TAFA1: variants seen among roughly 807,000 people sequenced by gnomAD.
TAFA1 encodes TAFA chemokine like family member 1.
A neutral mutation model predicts 18.5 loss-of-function variants in TAFA1; 4 were observed. The observed-to-expected ratio is 0.22, with a 90% CI of 0.11 to 0.49. The LOEUF is 0.49. Among genes scored for constraint, TAFA1 ranks in the 20% least tolerant of loss-of-function variants. TAFA1 has a pLI of 0.98. For synonymous variants in TAFA1, 56 were observed against 55.2 expected (o/e 1.01, Z -0.06); for missense variants, 147 against 169.0 (o/e 0.87, Z 0.72).
At chr3:68,513,606 A>G (rs1205408262) in intron 3 of TAFA1, among the ~76,000 whole-genome samples, 1 of 152,134 alleles carries the variant, frequency 6.6e-6, no homozygotes, top group Non-Finnish European at 1.5e-5. Flanking sequence ...GATGCATTCA[A>G]ATAAGTCCCT....
chr3:68,338,657 C>T (rs1485014434), intron 2 of TAFA1, among the ~76,000 whole-genome samples: 1 of 152,146 alleles, frequency 6.6e-6, no homozygotes, highest in African/African-American at 2.4e-5. Context: ...GGATTCAAAA[C>T]TTTGCTTTCT....
chr3:68,433,860 C>A (rs542319300), intron 3 of TAFA1, among the ~76,000 whole-genome samples: 1 of 152,122 alleles, frequency 6.6e-6, no homozygotes, highest in Non-Finnish European at 1.5e-5. Context: ...ATGTGAGATA[C>A]AGATTTGGTG....
At chr3:68,033,515 G>A (rs920570784) in intron 2 of TAFA1, among the ~76,000 whole-genome samples, 3 of 152,134 alleles carry the variant, frequency 2.0e-5, no homozygotes, top group African/African-American at 7.2e-5. Context: ...GACATTTATC[G>A]TTTAAACAAG....
chr3:68,021,913 A>G (rs762510862), intron 2 of TAFA1, among the ~76,000 whole-genome samples: 1 of 152,194 alleles, frequency 6.6e-6, no homozygotes, highest in Non-Finnish European at 1.5e-5. Context: ...CAAAAACCAT[A>G]TAGAAGCCTT....
chr3:68,270,530 A>G (rs2067645162), intron 2 of TAFA1, among the ~76,000 whole-genome samples: 1 of 152,188 alleles, frequency 6.6e-6, no homozygotes, highest in Admixed American at 6.5e-5. Context: ...CTGTCAGGGA[A>G]ATCATTTGGG....
chr3:68,014,364 G>A (rs929527648), intron 2 of TAFA1, among the ~76,000 whole-genome samples: 24 of 152,204 alleles, frequency 1.6e-4, no homozygotes, highest in African/African-American at 5.5e-4. Context: ...AGCTTTAGCC[G>A]AGTGAGAACT....
intron 3 of TAFA1, among the ~76,000 whole-genome samples, chr3:68,476,028 T>C (rs1292908418): frequency 6.6e-6 from 1 of 152,212 alleles, no homozygotes; most frequent in Non-Finnish European, 1.5e-5. Context: ...TCTTGTAAAT[T>C]TGTTTGAGTT....
chr3:68,176,973 T>A (rs1306177195), intron 2 of TAFA1, among the ~76,000 whole-genome samples: 1 of 152,166 alleles, frequency 6.6e-6, no homozygotes, highest in African/African-American at 2.4e-5. Flanking sequence ...TGGTGGCATT[T>A]GAATTAAGAT....
intron 2 of TAFA1, among the ~76,000 whole-genome samples, chr3:68,018,529 A>T (rs1461956807): frequency 6.6e-6 from 1 of 152,176 alleles, no homozygotes; most frequent in Admixed American, 6.5e-5. Flanking sequence ...GACTACAGTT[A>T]CCCAGTAGTA....
At chr3:68,121,804 C>G (rs901960375) in intron 2 of TAFA1, among the ~76,000 whole-genome samples, 1 of 152,044 alleles carries the variant, frequency 6.6e-6, no homozygotes, top group Non-Finnish European at 1.5e-5. Flanking sequence ...GGTGTCCATC[C>G]CTTCCAAAGT....
Position 68,521,856 on chromosome 3 carries a change from G to GTTTTTTGT in TAFA1, c.260-16894_260-16893insGTTTTTTT, listed in dbSNP as rs2073029795. 1.3e-4 allele frequency among the ~76,000 whole-genome samples: 9 copies of GTTTTTTGT among 70,858 alleles called. No individual in the cohort carries two copies. In the East Asian group the frequency reaches 4.9e-3, roughly 38 times the overall value. The allele number at this position is 70,858 out of a possible 152,430, so 46.5% of individuals were successfully genotyped here. ...TCTGGGTTTTTCTGTGTTTTTTTCT[G>GTTTTTTGT]TTTTTTTTTTTTTTTTTTTTGGAGA... is the stretch of plus-strand genomic sequence containing the variant. On this transcript the variant is annotated intron_variant, in intron 3 of 4. Coordinates refer to ENST00000478136, the MANE Select transcript of TAFA1 (RefSeq NM_213609.4).
At chr3:68,403,957 T>A (rs1406700053) in intron 2 of TAFA1, among the ~76,000 whole-genome samples, 1 of 152,184 alleles carries the variant, frequency 6.6e-6, no homozygotes, top group Non-Finnish European at 1.5e-5. Context: ...GAGAAGACAG[T>A]CATTGGCATC....
intron 2 of TAFA1, among the ~76,000 whole-genome samples, chr3:68,176,914 G>A (rs2066133750): frequency 6.6e-6 from 1 of 151,966 alleles, no homozygotes; most frequent in African/African-American, 2.4e-5. Context: ...GAATGTGGGG[G>A]GAAATTGATT....
In TAFA1 at chr3:68,169,098, T is replaced by C. The variant is rs931906400; in HGVS notation, c.118+162354T>C. On this transcript the variant is annotated intron_variant, in intron 2 of 4. Transcript: ENST00000478136. ...CTCCAGGATGTTCCCAAACGATTTATGTCTCCATATATCTGTGCCCTTCCC... is the reference window on the plus strand; with the variant it reads ...CTCCAGGATGTTCCCAAACGATTTACGTCTCCATATATCTGTGCCCTTCCC... Among the ~76,000 whole-genome samples, 3 of 152,374 alleles carry C rather than the reference T, an allele frequency of 2.0e-5. No homozygotes were observed. In the South Asian group the frequency reaches 6.2e-4, roughly 32 times the overall value.
intron 2 of TAFA1, among the ~76,000 whole-genome samples, chr3:68,337,469 A>C (rs1025585063): frequency 2.0e-5 from 3 of 152,176 alleles, no homozygotes; most frequent in African/African-American, 7.2e-5. Flanking sequence ...TTGGGCAAGG[A>C]CACAAATCCA....
intron 2 of TAFA1, among the ~76,000 whole-genome samples, chr3:68,007,258 T>C (rs1452722674): frequency 6.6e-6 from 1 of 152,240 alleles, no homozygotes; most frequent in Non-Finnish European, 1.5e-5. Flanking sequence ...TCTTCCGGTA[T>C]GCTCAGTGGC....
chr3:68,037,959 CAAAG>C (rs1299750304), intron 2 of TAFA1, among the ~76,000 whole-genome samples: 2 of 152,116 alleles, frequency 1.3e-5, no homozygotes, highest in Admixed American at 6.5e-5. Flanking sequence ...AAAAGAAAGA[CAAAG>C]AAAGCCACAA....
At chr3:68,214,319 C>G (rs951485058) in intron 2 of TAFA1, among the ~76,000 whole-genome samples, 1 of 152,112 alleles carries the variant, frequency 6.6e-6, no homozygotes, top group African/African-American at 2.4e-5. Flanking sequence ...AGGAATTGAT[C>G]TCTGAGTATA....
chr3:68,174,739 T>A (rs1314708673), intron 2 of TAFA1, among the ~76,000 whole-genome samples: 1 of 152,220 alleles, frequency 6.6e-6, no homozygotes, highest in Non-Finnish European at 1.5e-5. Context: ...AACAATGCGA[T>A]AGAAAAGAAA....
Sources: allele counts gnomAD v4.1 joint callset (sites outside exome capture counted in the v4.1 genomes callset), GRCh38; gene constraint gnomAD v4.1.1; transcripts MANE v1.5; gene names NCBI Gene and HGNC (gene_info 2026-07-23, HGNC 2026-07-21).